The following RCAN1 variants were observed in gnomAD, a reference collection of about 807,000 sequenced individuals.
RCAN1 encodes calcipressin-1.
RCAN1 carries 11 observed loss-of-function variants against 22.9 expected under a neutral mutation model. That is an observed-to-expected ratio of 0.48 (90% CI 0.30 to 0.79). The LOEUF (loss-of-function observed/expected upper bound fraction) is 0.79. RCAN1 is among the 30% of genes least tolerant of loss of function. RCAN1 has a pLI of 0.06. For synonymous variants in RCAN1, 136 were observed against 142.3 expected, an observed-to-expected ratio of 0.96 and a Z score of 0.32; for missense variants, 291 against 337.8, an observed-to-expected ratio of 0.86 and a Z score of 1.09.
chr21:34,523,403 G>A (rs1487217353), intron 2 of RCAN1, 134 bp downstream of exon 2: 2 of 796,536 alleles, frequency 2.5e-6, no homozygotes, highest in Non-Finnish European at 3.9e-6. Flanking sequence ...AACATTCAGA[G>A]TAGGAATTTT....
chr21:34,557,359 A>T (rs943155657), intron 1 of RCAN1, among the ~76,000 whole-genome samples: 4 of 152,262 alleles, frequency 2.6e-5, no homozygotes, highest in Admixed American at 2.6e-4. Flanking sequence ...TGTCAGAAAC[A>T]CTAACTCATA....
chr21:34,555,440 G>T (rs1160314222), intron 1 of RCAN1, among the ~76,000 whole-genome samples: 8 of 152,012 alleles, frequency 5.3e-5, no homozygotes, highest in Non-Finnish European at 1.0e-4. Flanking sequence ...TGGCAGGGTG[G>T]CTCATGTCTG....
At position 34,529,656 on chromosome 21, in the gene RCAN1, G is replaced by T. The variant is rs1170388406; in HGVS notation, c.253-5946C>A. On this transcript the variant is annotated intron_variant, in intron 1 of 3. Coordinates refer to ENST00000313806, the MANE Select transcript of RCAN1 (RefSeq NM_004414.7). ...TGACTTTCCTACTTGTATATTCCTT[G>T]TGGTTTTGGAGGCAAGTATATTCCT... 7.2e-5 allele frequency among the ~76,000 whole-genome samples: 11 copies of T among 152,256 alleles called. No individual in the cohort carries two copies. In the East Asian group the frequency reaches 2.1e-3, roughly 29 times the overall value.
intron 1 of RCAN1, among the ~76,000 whole-genome samples, chr21:34,611,865 G>C (rs891637474): frequency 2.6e-5 from 4 of 152,122 alleles, no homozygotes; most frequent in Non-Finnish European, 5.9e-5. Context: ...CCAAGGACCC[G>C]CTGTGACTTT....
In RCAN1 at chr21:34,518,287, C is replaced by G. The variant is rs1984200564; in HGVS notation, c.587-31G>C. 1.9e-6 allele frequency: 3 copies of G among 1,608,672 alleles called. No individual in the cohort carries two copies. Among genetic ancestry groups the G allele is most frequent in the Non-Finnish European group, 2.5e-6 (3 of 1,176,866 alleles). ...GAGGGAAAATAATCGCAGGGTCACT[C>G]AGACAAGTCCTTGGGAGTCAAAAGG... is the stretch of plus-strand genomic sequence containing the variant. On this transcript the variant is annotated intron_variant, in intron 3 of 3. Coordinates refer to ENST00000313806, the MANE Select transcript of RCAN1 (RefSeq NM_004414.7). The surrounding 1 kb of genome is among the most constrained non-coding windows in gnomAD (Gnocchi z 4.2).
At chr21:34,574,494 G>A (rs1172987209) in intron 1 of RCAN1, among the ~76,000 whole-genome samples, 1 of 152,198 alleles carries the variant, frequency 6.6e-6, no homozygotes, top group Non-Finnish European at 1.5e-5. Context: ...GGGACAGAGC[G>A]AAGAAGAGCC....
chr21:34,537,274 G>A (rs1985713238), intron 1 of RCAN1, among the ~76,000 whole-genome samples: 1 of 152,218 alleles, frequency 6.6e-6, no homozygotes, highest in African/African-American at 2.4e-5. Context: ...ACTAAAATGT[G>A]GGCACACATC....
chr21:34,539,923 G>A (rs912153754), intron 1 of RCAN1, among the ~76,000 whole-genome samples: 17 of 152,142 alleles, frequency 1.1e-4, no homozygotes, highest in Non-Finnish European at 2.4e-4. Context: ...AGTAGTGTTG[G>A]CTGAGCCATT....
chr21:34,525,944 G>A (rs1985017495), intron 1 of RCAN1, among the ~76,000 whole-genome samples: 1 of 151,992 alleles, frequency 6.6e-6, no homozygotes, highest in African/African-American at 2.4e-5. Context: ...TATGGCTTTG[G>A]ATATAAAGCA....
intron 1 of RCAN1, among the ~76,000 whole-genome samples, chr21:34,550,519 C>G (rs1986326658): frequency 6.6e-6 from 1 of 152,116 alleles, no homozygotes; most frequent in African/African-American, 2.4e-5. Flanking sequence ...GAGAAAAGAC[C>G]ATGTGAGGAC....
At chr21:34,534,964 C>T (rs1985601521) in intron 1 of RCAN1, among the ~76,000 whole-genome samples, 1 of 152,220 alleles carries the variant, frequency 6.6e-6, no homozygotes, top group African/African-American at 2.4e-5. Flanking sequence ...AGATCTCCAG[C>T]ACCAACCCCA....
intron 1 of RCAN1, chr21:34,613,860 GACCCACAGCCAA>G: frequency 1.4e-6 from 2 of 1,435,878 alleles, no homozygotes; most frequent in Non-Finnish European, 1.9e-6. Flanking sequence ...AGCATTTGTG[GACCCACAGCCAA>G]GCGCTGAAAG....
In RCAN1 at chr21:34,596,956, A is replaced by G. The variant is rs562452488; in HGVS notation, c.252+17804T>C. On this transcript the variant is annotated intron_variant, in intron 1 of 3. Transcript: ENST00000313806. ...TGATAACTTACAGAAGGGAAATGGG[A>G]GGGGAGGAGTAAAGAAGGGGTTGGA... is the stretch of plus-strand genomic sequence containing the variant. 3.8e-3 allele frequency among the ~76,000 whole-genome samples: 577 copies of G among 152,210 alleles called. 2 individuals carry two copies. The highest frequency in any genetic ancestry group is 5.0e-3 in the Non-Finnish European group (342 of 68,020).
intron 2 of RCAN1, chr21:34,522,523 G>A (rs2123575540): frequency 6.6e-6 from 1 of 152,340 alleles, no homozygotes; most frequent in Non-Finnish European, 1.5e-5. Flanking sequence ...TGCCTCCCAG[G>A]GCAAAAAGGT....
rs144488032 is a variant in RCAN1 at position 34,541,959 on chromosome 21, A to T, written c.253-18249T>A. On this transcript the variant is annotated intron_variant, in intron 1 of 3. Transcript: ENST00000313806. ...AAAAAAAATAAAATAAATAAAAAAA[A>T]TTTTTTTAATGCTATTCATGCAACA... 4.2e-4 allele frequency among the ~76,000 whole-genome samples: 64 copies of T among 152,266 alleles called. 1 individual carries two copies. Among genetic ancestry groups the T allele is most frequent in the Middle Eastern group, 3.4e-3 (1 of 294 alleles).
At chr21:34,572,430 G>T (rs1156593350) in intron 1 of RCAN1, among the ~76,000 whole-genome samples, 1 of 152,110 alleles carries the variant, frequency 6.6e-6, no homozygotes, top group Non-Finnish European at 1.5e-5. Flanking sequence ...TGGCACAGGG[G>T]GTGACTAGGA....
chr21:34,574,140 T>C (rs1244961454), intron 1 of RCAN1, among the ~76,000 whole-genome samples: 3 of 152,178 alleles, frequency 2.0e-5, no homozygotes, highest in Non-Finnish European at 4.4e-5. Flanking sequence ...CATTTCAGAA[T>C]ATCCAAGACA....
At chr21:34,557,597 G>T (rs1986628542) in intron 1 of RCAN1, among the ~76,000 whole-genome samples, 1 of 152,222 alleles carries the variant, frequency 6.6e-6, no homozygotes, top group African/African-American at 2.4e-5. Flanking sequence ...GACAGATTCA[G>T]TTACATTAGC....
intron 1 of RCAN1, among the ~76,000 whole-genome samples, chr21:34,573,772 G>T (rs1390998596): frequency 6.6e-6 from 1 of 152,154 alleles, no homozygotes; most frequent in Non-Finnish European, 1.5e-5. Flanking sequence ...GCCATCTTTT[G>T]TTCCCTCAAT....
Sources: allele counts gnomAD v4.1 joint callset (sites outside exome capture counted in the v4.1 genomes callset), GRCh38; gene constraint gnomAD v4.1.1; non-coding constraint Gnocchi (gnomAD v3.1); transcripts MANE v1.5; gene names NCBI Gene and HGNC (gene_info 2026-07-23, HGNC 2026-07-21).